Variants in KLHL32 observed in about 807,000 individuals in gnomAD.
KLHL32 encodes the protein kelch-like protein 32.
A neutral mutation model predicts 64.8 loss-of-function variants in KLHL32; 35 were observed. The observed-to-expected ratio is 0.54, with a 90% CI of 0.41 to 0.72. KLHL32 has a LOEUF of 0.72. Ranked by LOEUF, KLHL32 falls within the 30% of genes least tolerant of loss-of-function variation. The pLI, the probability that KLHL32 is intolerant of heterozygous loss-of-function variation, is 0.00. For synonymous variants in KLHL32, 259 were observed against 281.0 expected (o/e 0.92, Z 0.78); for missense variants, 589 against 768.5 (o/e 0.77, Z 2.76).
intron 1 of KLHL32, among the ~76,000 whole-genome samples, chr6:96,938,647 C>T (rs1770909535): frequency 6.6e-6 from 1 of 152,142 alleles, no homozygotes; most frequent in African/African-American, 2.4e-5. Context: ...GCAGCAGCAG[C>T]AGCAGGGGAT....
At chr6:96,910,651 C>A in the KLHL32 span, among the ~76,000 whole-genome samples, 1 of 152,098 alleles carries the variant, frequency 6.6e-6, no homozygotes, top group African/African-American at 2.4e-5. Flanking sequence ...TTTTTAAAAT[C>A]AATTGTATCT....
rs565228900 is a variant in KLHL32 at position 97,113,931 on chromosome 6, C to G, written c.776C>G (p.Ala259Gly). 29 of 1,614,056 alleles carry G rather than the reference C, an allele frequency of 1.8e-5. No individual in the cohort carries two copies. The highest frequency in any genetic ancestry group is 2.3e-5 in the Non-Finnish European group (27 of 1,180,044). ...GTCCAAGCAAGTGAGACTGCAACAG[C>G]CCTTGTCAACGAGGCCCTGGAATAC... ...PLVQASETAT[A>G]LVNEALEYHQ... The change falls in exon 7 of 11, where the codon GCC becomes GGC. Residue 259 changes from alanine (A) to glycine (G), a missense_variant. Ala to Gly is a moderately conservative substitution (Grantham distance 60). Transcript: ENST00000369261.
chr6:96,979,995 T>A (rs1776124295), intron 3 of KLHL32, among the ~76,000 whole-genome samples: 1 of 57,808 alleles, frequency 1.7e-5, no homozygotes. Context: ...GCTACTGATA[T>A]TCGTACAATT....
intron 4 of KLHL32, among the ~76,000 whole-genome samples, chr6:97,050,722 GC>G (rs1271348740): frequency 6.6e-6 from 1 of 152,206 alleles, no homozygotes; most frequent in African/African-American, 2.4e-5. Context: ...CACAATGTGG[GC>G]TGGACGCAGT....
At chr6:96,900,298 TG>T in the KLHL32 span, among the ~76,000 whole-genome samples, 6 of 152,220 alleles carry the variant, frequency 3.9e-5, no homozygotes, top group Non-Finnish European at 7.3e-5. Context: ...ATATTTGCAT[TG>T]TTTTTCATTT....
At chr6:96,985,492 G>A (rs931040275) in intron 3 of KLHL32, among the ~76,000 whole-genome samples, 3 of 152,060 alleles carry the variant, frequency 2.0e-5, no homozygotes, top group Admixed American at 6.6e-5. Flanking sequence ...CATTCTCTTC[G>A]TCACTTTCAA....
chr6:97,012,779 A>G lies in KLHL32; in HGVS notation c.205-28713A>G, dbSNP rs563960102. Among the ~76,000 whole-genome samples, 9 of 152,326 alleles carry G rather than the reference A, an allele frequency of 5.9e-5. No homozygotes were observed. The East Asian group carries it at 1.5e-3, about 26-fold the overall frequency. The stretch of plus-strand genomic sequence containing the variant: ...GATTTGAAGAGCAATTAAACTATAT[A>G]TGAGGGTTCTCATATAAGAAGTAAT... On this transcript the variant is annotated intron_variant, in intron 3 of 10. Transcript: ENST00000369261.
chr6:96,898,698 A>T, the KLHL32 span, among the ~76,000 whole-genome samples: 4 of 151,462 alleles, frequency 2.6e-5, no homozygotes, highest in African/African-American at 9.8e-5. Flanking sequence ...ACGTCAGAAA[A>T]AAAAAACAAA....
chr6:97,069,395 T>A (rs1039870720), intron 5 of KLHL32, among the ~76,000 whole-genome samples: 8 of 147,086 alleles, frequency 5.4e-5, no homozygotes, highest in Non-Finnish European at 1.2e-4. Flanking sequence ...TGGGTGATTT[T>A]GTTCCTTTTT....
chr6:97,071,779 T>C (rs1289940493), intron 5 of KLHL32, among the ~76,000 whole-genome samples: 1 of 152,182 alleles, frequency 6.6e-6, no homozygotes, highest in Non-Finnish European at 1.5e-5. Flanking sequence ...ACCTTCTCTT[T>C]CTCCTCCTTG....
chr6:97,074,334 G>A (rs1791246633), intron 5 of KLHL32, among the ~76,000 whole-genome samples: 3 of 152,066 alleles, frequency 2.0e-5, no homozygotes, highest in South Asian at 4.1e-4. Context: ...GAGAACTCCC[G>A]CTCTAGATTC....
At chr6:97,104,822 G>A (rs531035756) in intron 6 of KLHL32, among the ~76,000 whole-genome samples, 6 of 152,290 alleles carry the variant, frequency 3.9e-5, no homozygotes, top group Non-Finnish European at 4.4e-5. Flanking sequence ...CTGATGCTGC[G>A]TCCCTAGTTT....
At chr6:97,001,610 G>A (rs1779043444) in intron 3 of KLHL32, among the ~76,000 whole-genome samples, 1 of 152,128 alleles carries the variant, frequency 6.6e-6, no homozygotes, top group Non-Finnish European at 1.5e-5. Context: ...TGAGACCACA[G>A]GCATGTGCCA....
chr6:97,100,390 C>A (rs1256256849), intron 6 of KLHL32, among the ~76,000 whole-genome samples: 1 of 152,108 alleles, frequency 6.6e-6, no homozygotes, highest in East Asian at 1.9e-4. Context: ...TAGACCCTGG[C>A]TCCCCTTCCC....
chr6:96,908,331 C>A, the KLHL32 span, among the ~76,000 whole-genome samples: 36 of 152,178 alleles, frequency 2.4e-4, no homozygotes, highest in Non-Finnish European at 2.4e-4. Context: ...AAAACCTTGC[C>A]ACACACAGAG....
At chr6:97,046,018 G>A (rs1785867875) in intron 4 of KLHL32, among the ~76,000 whole-genome samples, 1 of 152,142 alleles carries the variant, frequency 6.6e-6, no homozygotes, top group South Asian at 2.1e-4. Flanking sequence ...GCCAGATCTG[G>A]GGTTGCAATT....
chr6:97,057,192 T>C (rs1231467172), intron 4 of KLHL32, among the ~76,000 whole-genome samples: 8 of 81,282 alleles, frequency 9.8e-5, no homozygotes, highest in East Asian at 3.4e-4. Context: ...TTTTTTTTTT[T>C]TTTTTTTTTG....
At chr6:97,046,192 C>T (rs1463106087) in intron 4 of KLHL32, among the ~76,000 whole-genome samples, 4 of 152,266 alleles carry the variant, frequency 2.6e-5, no homozygotes, top group South Asian at 4.1e-4. Context: ...GGGGACAGCA[C>T]TAGGCACTTT....
chr6:97,106,313 T>G (rs1443391178), intron 6 of KLHL32, among the ~76,000 whole-genome samples: 1 of 152,182 alleles, frequency 6.6e-6, no homozygotes, highest in African/African-American at 2.4e-5. Flanking sequence ...ATGTTTAGGA[T>G]TATATATCAT....
Sources: gnomAD v4.1 joint callset for allele counts (sites outside exome capture counted in the v4.1 genomes callset) on GRCh38, gnomAD v4.1.1 for gene constraint, MANE v1.5 for transcripts, NCBI Gene and HGNC (gene_info 2026-07-23, HGNC 2026-07-21) for gene names.